The following FILIP1 variants were observed in gnomAD, a reference collection of about 807,000 sequenced individuals.
FILIP1 encodes the protein filamin A interacting protein 1, also known as filamin-A-interacting protein 1.
FILIP1 carries 61 observed loss-of-function variants against 102.1 expected under a neutral mutation model. That is an observed-to-expected ratio of 0.60 (90% confidence interval 0.49 to 0.74). FILIP1 has a LOEUF of 0.74. FILIP1 is among the 30% of genes least tolerant of loss of function. The pLI is 0.00. For missense variants in FILIP1, 1,314 were observed against 1,441.2 expected (o/e 0.91, Z 1.43); for synonymous variants, 491 against 526.9 (o/e 0.93, Z 0.93).
chr6:75,308,450 A>T lies in FILIP1; in HGVS notation c.*241T>A. 1.5e-6 allele frequency: 2 copies of T among 1,334,726 alleles called. No individual in the cohort carries two copies. The highest frequency in any genetic ancestry group is 9.6e-7 in the Non-Finnish European group (1 of 1,036,406). The allele number at this position is 1,334,726 out of a possible 1,614,324, so 82.7% of individuals were successfully genotyped here. A position where few individuals can be genotyped will look rare whatever the true frequency, so the allele number is the denominator to read the frequency against. ...TGATGGGTCCACTTGCTAGAAGCAAAACTGGAACTAGAAACCACGCCCTGG... is the reference window on the plus strand; with the variant it reads ...TGATGGGTCCACTTGCTAGAAGCAATACTGGAACTAGAAACCACGCCCTGG... On this transcript the variant is annotated 3_prime_UTR_variant, in exon 6 of 6. Transcript: ENST00000237172.
chr6:75,331,149 C>G (rs1033906496), intron 4 of FILIP1, among the ~76,000 whole-genome samples: 1 of 152,106 alleles, frequency 6.6e-6, no homozygotes, highest in African/African-American at 2.4e-5. Flanking sequence ...TGGTAACATG[C>G]TAATTTAAAT....
At chr6:75,353,506 C>A (rs371352233) in intron 4 of FILIP1, 33 bp downstream of exon 4, 1 of 1,611,482 alleles carries the variant, frequency 6.2e-7, no homozygotes, top group Non-Finnish European at 8.5e-7. Flanking sequence ...CTATGGGCAT[C>A]CAGATGTGAC....
intron 1 of FILIP1, among the ~76,000 whole-genome samples, chr6:75,482,252 A>G (rs1779668031): frequency 6.6e-6 from 1 of 152,238 alleles, no homozygotes; most frequent in African/African-American, 2.4e-5. Context: ...GGTGAAATAA[A>G]GCAAAATCAA....
rs1291971381 is a variant in FILIP1, at chr6:75,313,763, T to C, written c.2069A>G (p.Lys690Arg). ...QLEEIKHQIA[K>R]NKAIEKGEVV... ...CTCACCCTTCTCTATTGCTTTATTC[T>C]TGGCAATTTGGTGCTTGATCTCCTC... The change falls in exon 5 of 6, where the codon AAG becomes AGG. Residue 690 changes from lysine (K) to arginine (R), a missense_variant. By Grantham distance (26) the Lys-to-Arg change is conservative. Around this residue, in one of 3 missense-constraint regions of FILIP1, gnomAD observed 816 missense variants for 913.1 expected, o/e 0.89. Transcript: ENST00000237172. This position sits in a 1 kb window ranked among gnomAD's most constrained non-coding sequence, Gnocchi z 4.2. 2 of 1,596,500 alleles carry C rather than the reference T, an allele frequency of 1.3e-6. No individual in the cohort carries two copies. The highest frequency in any genetic ancestry group is 8.5e-7 in the Non-Finnish European group (1 of 1,173,670).
intron 1 of FILIP1, among the ~76,000 whole-genome samples, chr6:75,449,484 A>G (rs751393676): frequency 1.3e-5 from 2 of 152,168 alleles, no homozygotes; most frequent in Non-Finnish European, 2.9e-5. Context: ...GAAGTTTTAA[A>G]AAGAAAAAAA....
Position 75,416,833 on chromosome 6 carries a change from T to G in FILIP1, c.-6-1855A>C, listed in dbSNP as rs1777285935. Among the ~76,000 whole-genome samples, 4 of 152,202 alleles carry G rather than the reference T, an allele frequency of 2.6e-5. No homozygotes were observed. The South Asian group carries it at 8.3e-4, about 32-fold the overall frequency. ...TCATTAAATCATGAGTTAACAGAAA[T>G]CCCAGACAATAGTTCCCAAAGCACA... On this transcript the variant is annotated intron_variant, in intron 1 of 5. Transcript: ENST00000237172.
chr6:75,421,270 G>A (rs963706183), intron 1 of FILIP1, among the ~76,000 whole-genome samples: 4 of 152,174 alleles, frequency 2.6e-5, no homozygotes, highest in African/African-American at 9.6e-5. Context: ...AGGATGGAAA[G>A]TGGTTAGATG....
exon 7 of FILIP1, chr6:75,292,178 G>A (rs1319064427): frequency 1.3e-5 from 2 of 152,138 alleles, no homozygotes; most frequent in African/African-American, 4.8e-5. Context: ...AAAATAGAAT[G>A]TATTTCTTAA....
At chr6:75,440,378 C>A (rs565104364) in intron 1 of FILIP1, among the ~76,000 whole-genome samples, 6 of 152,282 alleles carry the variant, frequency 3.9e-5, no homozygotes, top group South Asian at 4.1e-4. Flanking sequence ...AGGTTTACTG[C>A]CAAGCCTGTG....
At chr6:75,475,542 G>GT (rs1379106233) in intron 1 of FILIP1, among the ~76,000 whole-genome samples, 1 of 152,114 alleles carries the variant, frequency 6.6e-6, no homozygotes, top group Non-Finnish European at 1.5e-5. Context: ...GGTTTAGAAA[G>GT]TTAAAAAGAC....
Position 75,313,621 on chromosome 6 carries a change from T to G in FILIP1, c.2211A>C (p.Lys737Asn). The change falls in exon 5 of 6, where the codon AAA (lysine) becomes AAC (asparagine). Residue 737 changes from lysine to asparagine, a missense_variant. Around this residue, in one of 3 missense-constraint regions of FILIP1, gnomAD observed 816 missense variants for 913.1 expected, o/e 0.89. Coordinates refer to ENST00000237172, the MANE Select transcript of FILIP1 (RefSeq NM_015687.5). The surrounding 1 kb of genome is among the most constrained non-coding windows in gnomAD (Gnocchi z 4.2). ...CCTGGAGCTGAGAAAGCTGATCTTC[T>G]TTGTTCATTAATTCGTGAATCTTCT... Reference protein sequence around the residue: ...LKEKIHELMNKEDQLSQLQVD... With the variant: ...LKEKIHELMNNEDQLSQLQVD... 6.2e-7 allele frequency: 1 copy of G among 1,602,906 alleles called. No homozygotes were observed. The highest frequency in any genetic ancestry group is 1.1e-5 in the South Asian group (1 of 88,590).
At chr6:75,333,308 A>G (rs1025696852) in intron 4 of FILIP1, among the ~76,000 whole-genome samples, 1 of 152,180 alleles carries the variant, frequency 6.6e-6, no homozygotes, top group Non-Finnish European at 1.5e-5. Flanking sequence ...CCAGTTTTGG[A>G]AAACCTTTAA....
At position 75,317,668 on chromosome 6, in the gene FILIP1, T is replaced by G. The variant is rs147653586; in HGVS notation, c.630-2466A>C. On this transcript the variant is annotated intron_variant, in intron 4 of 5. Coordinates refer to ENST00000237172, the MANE Select transcript of FILIP1 (RefSeq NM_015687.5). ...AATTTGGCTTCCAGGAAACCACATT[T>G]TTCACGTTCTCCTAGCTGTGATTAT... Among the ~76,000 whole-genome samples, 316 of 152,290 alleles carry G rather than the reference T, an allele frequency of 2.1e-3. 3 individuals carry two copies. The highest frequency in any genetic ancestry group is 7.3e-3 in the African/African-American group (305 of 41,554).
At chr6:75,452,282 C>T (rs529928887) in intron 1 of FILIP1, among the ~76,000 whole-genome samples, 1 of 151,888 alleles carries the variant, frequency 6.6e-6, no homozygotes, top group Non-Finnish European at 1.5e-5. Flanking sequence ...CAACAGTCCC[C>T]GGTGTGTGAT....
At chr6:75,321,877 A>C (rs1436549781) in intron 4 of FILIP1, among the ~76,000 whole-genome samples, 1 of 152,214 alleles carries the variant, frequency 6.6e-6, no homozygotes, top group Non-Finnish European at 1.5e-5. Context: ...AGGATGGAGA[A>C]AAAACTTTGG....
rs759069261 is a variant in FILIP1 at position 75,314,132 on chromosome 6, T to C, written c.1700A>G (p.Asn567Ser). The C allele has an allele frequency of 3.3e-6, 5 of 1,522,004 alleles. No individual in the cohort carries two copies. The African/African-American group carries it at 7.1e-5, about 22-fold the overall frequency. 94.3% of individuals were successfully genotyped at this position (1,522,004 alleles called of 1,614,324 possible). ...CAACTCATCTCTTTCTCTTGTCAAG[T>C]TGTATACTTTTTCCTCCATTTCAGA... is the stretch of plus-strand genomic sequence containing the variant. ...LKSEMEEKVYNLTRERDELIG... is the reference protein window; with the variant it reads ...LKSEMEEKVYSLTRERDELIG... The change falls in exon 5 of 6, where the codon AAC becomes AGC. Residue 567 changes from asparagine to serine, a missense_variant. Asn to Ser is a conservative substitution (Grantham distance 46, BLOSUM62 1). Coordinates refer to ENST00000237172, the MANE Select transcript of FILIP1 (RefSeq NM_015687.5).
chr6:75,335,774 A>G (rs1386272170), intron 4 of FILIP1, among the ~76,000 whole-genome samples: 4 of 152,202 alleles, frequency 2.6e-5, no homozygotes, highest in Non-Finnish European at 2.9e-5. Flanking sequence ...GATATCTTTT[A>G]TACTACATAA....
At position 75,414,903 on chromosome 6, in the gene FILIP1, T is replaced by C. The variant is rs1197461920; in HGVS notation, c.70A>G (p.Ile24Val). The stretch of plus-strand genomic sequence containing the variant: ...AGACTTTTTTCACCAGCATTGCCGA[T>C]GATGGAGGGCTTGGGACAGGAGATA... ...GHISCPKPSI[I>V]GNAGEKSLSE... is the part of the protein sequence containing the mutation. Residue 24 changes from isoleucine to valine, a missense_variant, in exon 2 of 6, where the codon ATC (isoleucine) becomes GTC (valine). Ile to Val is a conservative substitution (Grantham distance 29, BLOSUM62 3). Around this residue, in one of 3 missense-constraint regions of FILIP1, gnomAD observed 494 missense variants for 511.2 expected, o/e 0.97. Transcript: ENST00000237172. 3.1e-6 allele frequency: 5 copies of C among 1,613,888 alleles called. No individual in the cohort carries two copies. The African/African-American group carries it at 5.3e-5, about 17-fold the overall frequency.
At chr6:75,421,529 G>A (rs1178453540) in intron 1 of FILIP1, among the ~76,000 whole-genome samples, 1 of 152,020 alleles carries the variant, frequency 6.6e-6, no homozygotes, top group Admixed American at 6.6e-5. Context: ...GGAACTTCTT[G>A]TACTATATCC....
Sources: gnomAD v4.1 joint callset for allele counts (sites outside exome capture counted in the v4.1 genomes callset) on GRCh38, gnomAD v4.1.1 for gene constraint, gnomAD v4.1.1 regional missense constraint, Gnocchi (gnomAD v3.1) non-coding constraint, MANE v1.5 for transcripts, NCBI Gene and HGNC (gene_info 2026-07-23, HGNC 2026-07-21) for gene names.